KLKB1: variants seen among roughly 807,000 people sequenced by gnomAD.
KLKB1 encodes the protein kallikrein B1, also known as plasma kallikrein.
In KLKB1, 58 loss-of-function variants were observed where a neutral mutation model predicts 73.6. The observed-to-expected ratio is 0.79, with a 90% CI of 0.64 to 0.98. KLKB1 has a LOEUF of 0.98. KLKB1 is among the 50% of genes least tolerant of loss of function. The pLI, the probability that KLKB1 is intolerant of heterozygous loss-of-function variation, is 0.00. For synonymous variants in KLKB1, 280 were observed against 258.1 expected (o/e 1.08, Z -0.81); for missense variants, 737 against 763.8 (o/e 0.96, Z 0.41).
chr4:186,224,624 C>T (rs1415129510), upstream of KLKB1, among the ~76,000 whole-genome samples: 1 of 152,196 alleles, frequency 6.6e-6, no homozygotes, highest in East Asian at 1.9e-4. Context: ...TTCCTGTACC[C>T]ACATTGTGTT....
At chr4:186,245,856 G>T (rs1018907922) in intron 6 of KLKB1, among the ~76,000 whole-genome samples, 4 of 138,626 alleles carry the variant, frequency 2.9e-5, no homozygotes, top group Non-Finnish European at 4.6e-5. Context: ...AGCTGACTGG[G>T]TGATAAAATG....
rs910183485 is a variant in KLKB1, at chr4:186,254,713, G to A, written c.1439G>A (p.Gly480Glu). 2 of 1,613,692 alleles carry A rather than the reference G, an allele frequency of 1.2e-6. No individual in the cohort carries two copies. The highest frequency in any genetic ancestry group is 3.3e-5 in the Admixed American group (2 of 59,998). Residue 480 changes from glycine to glutamate, a missense_variant, in exon 12 of 15, where the codon GGG becomes GAG. Coordinates refer to ENST00000264690, the MANE Select transcript of KLKB1 (RefSeq NM_000892.5). The part of the protein sequence containing the change: ...IIHQNYKVSE[G>E]NHDIALIKLQ... The stretch of plus-strand genomic sequence containing the variant: ...CACCAAAACTATAAAGTCTCAGAAG[G>A]GAATCATGATATCGCCTTGATAAAA...
intron 6 of KLKB1, among the ~76,000 whole-genome samples, chr4:186,243,426 A>G (rs1198448888): frequency 1.3e-5 from 2 of 152,146 alleles, no homozygotes; most frequent in Non-Finnish European, 2.9e-5. Context: ...ATGGGGGAGT[A>G]GATGGGAGTG....
intron 2 of KLKB1, chr4:186,213,156 A>G (rs1736784268): frequency 6.6e-6 from 1 of 152,100 alleles, no homozygotes; most frequent in African/African-American, 2.4e-5. Context: ...AATTATTGTT[A>G]CTCATATTTT....
Position 186,258,134 on chromosome 4 carries a change from A to C in KLKB1, c.1839A>C (p.Lys613Asn), listed in dbSNP as rs1032702866. Residue 613 changes from lysine to asparagine, a missense_variant, in exon 15 of 15, where the codon AAA becomes AAC. Lys to Asn is a moderately conservative substitution (Grantham distance 94, BLOSUM62 0). Transcript: ENST00000264690. ...GGGAGCAACCTGGTGTCTACACCAA[A>C]GTCGCTGAGTACATGGACTGGATTT... ...ARREQPGVYT[K>N]VAEYMDWILE... 15 of 1,614,088 alleles carry C rather than the reference A, an allele frequency of 9.3e-6. No individual in the cohort carries two copies. The highest frequency in any genetic ancestry group is 1.3e-5 in the Non-Finnish European group (15 of 1,180,020).
chr4:186,216,815 C>T (rs1487802282), intron 2 of KLKB1, among the ~76,000 whole-genome samples: 1 of 152,208 alleles, frequency 6.6e-6, no homozygotes, highest in African/African-American at 2.4e-5. Flanking sequence ...CTGAATCTCT[C>T]TGACATCTCC....
intron 6 of KLKB1, 53 bp from the exon 7 acceptor site, chr4:186,250,190 A>T (rs772126798): frequency 6.5e-6 from 10 of 1,542,840 alleles, no homozygotes; most frequent in Non-Finnish European, 9.0e-6. Flanking sequence ...AATACAAGCA[A>T]ATTTAGCCTC....
At chr4:186,234,286 C>T (rs988188925) in intron 4 of KLKB1, among the ~76,000 whole-genome samples, 3 of 152,078 alleles carry the variant, frequency 2.0e-5, no homozygotes, top group African/African-American at 4.8e-5. Flanking sequence ...ATGAGGTTAG[C>T]GCTCAAGTGT....
intron 3 of KLKB1, among the ~76,000 whole-genome samples, chr4:186,233,117 A>G (rs1172516376): frequency 2.0e-5 from 2 of 102,028 alleles, no homozygotes; most frequent in Non-Finnish European, 4.0e-5. Context: ...GTTTCACCAC[A>G]TTGGCCAGGC....
At chr4:186,214,078 G>C (rs1736821866) in intron 2 of KLKB1, among the ~76,000 whole-genome samples, 1 of 152,160 alleles carries the variant, frequency 6.6e-6, no homozygotes, top group South Asian at 2.1e-4. Flanking sequence ...TCCCCAACGA[G>C]TTTTCCCAGC....
chr4:186,228,326 G>GTTCAAT (rs1323780892), intron 2 of KLKB1, 73 bp downstream of exon 2: 3 of 918,306 alleles, frequency 3.3e-6, no homozygotes, highest in Non-Finnish European at 5.4e-6. Flanking sequence ...ACCACCCCTG[G>GTTCAAT]AGAAAGCTAT....
At chr4:186,220,234 G>A (rs529800320) in intron 2 of KLKB1, among the ~76,000 whole-genome samples, 4 of 152,126 alleles carry the variant, frequency 2.6e-5, no homozygotes, top group East Asian at 1.9e-4. Flanking sequence ...TGGGAGAAAC[G>A]GTGCCATATA....
chr4:186,257,987 C>A (rs772242602), intron 14 of KLKB1, 34 bp from the exon 15 acceptor site: 4 of 1,600,922 alleles, frequency 2.5e-6, no homozygotes, highest in Non-Finnish European at 3.4e-6. Context: ...ATTGTCGTAA[C>A]TTTCTACTAT....
chr4:186,250,472 T>C (rs1738613139), intron 7 of KLKB1, 70 bp downstream of exon 7: 2 of 1,539,954 alleles, frequency 1.3e-6, no homozygotes, highest in Non-Finnish European at 1.8e-6. Context: ...TGTACTTTCA[T>C]CACTTTTATA....
intron 2 of KLKB1, among the ~76,000 whole-genome samples, chr4:186,229,954 A>G (rs62348795): frequency 0.13 from 19,077 of 151,778 alleles, 1,512 homozygotes; most frequent in Middle Eastern, 0.2. Flanking sequence ...TTTTTTTCCA[A>G]TTTGACTTGA....
intron 6 of KLKB1, among the ~76,000 whole-genome samples, chr4:186,245,823 G>GTTTTTTTTTTTTTTTTTTTT: frequency 2.1e-5 from 1 of 48,604 alleles, no homozygotes; most frequent in Non-Finnish European, 5.8e-5. Context: ...TTTGTTTTTT[G>GTTTTTTTTTTTTTTTTTTTT]GTTTTTTTTT....
intron 12 of KLKB1, among the ~76,000 whole-genome samples, chr4:186,255,579 C>A (rs1738954586): frequency 6.6e-6 from 1 of 152,114 alleles, no homozygotes; most frequent in Non-Finnish European, 1.5e-5. Flanking sequence ...CCTCTTTACA[C>A]CTCTTAATTT....
At position 186,258,445 on chromosome 4, in the gene KLKB1, G is replaced by T; in HGVS notation, c.*233G>T. On this transcript the variant is annotated 3_prime_UTR_variant, in exon 15 of 15. Coordinates refer to ENST00000264690, the MANE Select transcript of KLKB1 (RefSeq NM_000892.5). Reference sequence around the variant, plus strand: ...GCAACTGAGATCTCCATGACTGTGTGTTGTGAAATAAAATGGTGAAAGATC... The same window carrying T: ...GCAACTGAGATCTCCATGACTGTGTTTTGTGAAATAAAATGGTGAAAGATC... The T allele has an allele frequency of 1.7e-6, 1 of 575,898 alleles. No homozygotes were observed. Among genetic ancestry groups the T allele is most frequent in the Middle Eastern group, 4.7e-4 (1 of 2,128 alleles). 35.7% of individuals were successfully genotyped at this position (575,898 alleles called of 1,614,324 possible).
At chr4:186,257,173 TTTAAG>T in intron 13 of KLKB1, 48 bp from the exon 14 acceptor site, 1 of 936,870 alleles carries the variant, frequency 1.1e-6, no homozygotes, top group Non-Finnish European at 1.6e-6. Flanking sequence ...TTATTTATTA[TTTAAG>T]TTATTATTAT....
Sources: gnomAD v4.1 joint callset for allele counts (sites outside exome capture counted in the v4.1 genomes callset) on GRCh38, gnomAD v4.1.1 for gene constraint, MANE v1.5 for transcripts, NCBI Gene and HGNC (gene_info 2026-07-23, HGNC 2026-07-21) for gene names.